The following HYCC1 variants were observed in gnomAD, a reference collection of about 807,000 sequenced individuals.
HYCC1 encodes hyccin PI4KA lipid kinase complex subunit 1.
At chr7:22,949,724 G>GTA in the HYCC1 span, among the ~76,000 whole-genome samples, 1 of 151,958 alleles carries the variant, frequency 6.6e-6, no homozygotes, top group Non-Finnish European at 1.5e-5. Context: ...GCAGTACCAC[G>GTA]CAACTGAAAT....
At chr7:22,965,071 T>C in the HYCC1 span, among the ~76,000 whole-genome samples, 1 of 149,792 alleles carries the variant, frequency 6.7e-6, no homozygotes, top group Non-Finnish European at 1.5e-5. Context: ...GAGGTGGAGG[T>C]TGCAGTAAGC....
At chr7:22,906,147 G>A in the HYCC1 span, among the ~76,000 whole-genome samples, 2 of 152,082 alleles carry the variant, frequency 1.3e-5, no homozygotes, top group African/African-American at 4.8e-5. Context: ...GAACAGCATT[G>A]ATACTTGCTA....
chr7:22,918,977 C>T, the HYCC1 span, among the ~76,000 whole-genome samples: 1 of 152,172 alleles, frequency 6.6e-6, no homozygotes. Flanking sequence ...CACAAAAACA[C>T]ACTCAAGCCA....
chr7:22,950,034 C>A, the HYCC1 span, among the ~76,000 whole-genome samples: 2 of 151,954 alleles, frequency 1.3e-5, no homozygotes, highest in African/African-American at 4.8e-5. Context: ...GTAATCCAAA[C>A]AAACATTTGT....
At chr7:22,933,301 G>A in the HYCC1 span, among the ~76,000 whole-genome samples, 1,140 of 152,066 alleles carry the variant, frequency 7.5e-3, 11 homozygotes, top group African/African-American at 0.025. Flanking sequence ...CCAAATTGTC[G>A]GTTTCTCCCT....
the HYCC1 span, among the ~76,000 whole-genome samples, chr7:22,931,470 A>G: frequency 6.6e-6 from 1 of 152,180 alleles, no homozygotes; most frequent in Non-Finnish European, 1.5e-5. Flanking sequence ...GGGTGCTGCC[A>G]TAACAAATAT....
At chr7:22,989,482 G>A in the HYCC1 span, among the ~76,000 whole-genome samples, 1 of 151,958 alleles carries the variant, frequency 6.6e-6, no homozygotes, top group Non-Finnish European at 1.5e-5. Flanking sequence ...CAAGTAGCTG[G>A]GGCTACAGGC....
At chr7:22,977,633 T>G in the HYCC1 span, among the ~76,000 whole-genome samples, 10 of 152,272 alleles carry the variant, frequency 6.6e-5, no homozygotes, top group African/African-American at 2.4e-4. Context: ...ATGTAACAAA[T>G]TTTCAGGATG....
chr7:22,998,719 A>G, the HYCC1 span, among the ~76,000 whole-genome samples: 1 of 152,152 alleles, frequency 6.6e-6, no homozygotes, highest in East Asian at 1.9e-4. Context: ...TGCTGATCAC[A>G]CAGCCTTCTG....
chr7:22,990,578 A>G, the HYCC1 span, among the ~76,000 whole-genome samples: 2 of 152,216 alleles, frequency 1.3e-5, no homozygotes, highest in Non-Finnish European at 2.9e-5. Flanking sequence ...AGACAAGAAA[A>G]TATGTTTTAT....
the HYCC1 span, among the ~76,000 whole-genome samples, chr7:22,981,217 T>C: frequency 1.3e-5 from 2 of 152,228 alleles, no homozygotes; most frequent in African/African-American, 4.8e-5. Flanking sequence ...TTAGTCTATT[T>C]TGTTCTCATA....
At chr7:22,994,025 G>A in the HYCC1 span, among the ~76,000 whole-genome samples, 4 of 152,074 alleles carry the variant, frequency 2.6e-5, no homozygotes, top group Non-Finnish European at 5.9e-5. Flanking sequence ...CTGTTACCCG[G>A]GCTAGAGTGT....
At chr7:22,948,498 G>C in the HYCC1 span, among the ~76,000 whole-genome samples, 1 of 151,980 alleles carries the variant, frequency 6.6e-6, no homozygotes, top group Non-Finnish European at 1.5e-5. Flanking sequence ...GATATGACCT[G>C]GGCATAAGAT....
the HYCC1 span, chr7:22,978,305 T>A: frequency 6.2e-7 from 1 of 1,614,092 alleles, no homozygotes; most frequent in Non-Finnish European, 8.5e-7. Context: ...CTTCAATGCA[T>A]CCACTGCTAT....
the HYCC1 span, chr7:22,945,391 A>C: frequency 0.091 from 53,805 of 592,352 alleles, 2,648 homozygotes; most frequent in East Asian, 0.12. Context: ...AAAAAATCTT[A>C]ATCAAGAAAT....
At chr7:22,949,105 G>A in the HYCC1 span, among the ~76,000 whole-genome samples, 2 of 152,000 alleles carry the variant, frequency 1.3e-5, no homozygotes, top group South Asian at 2.1e-4. Context: ...AAAAGGCAAT[G>A]AATATTAAAA....
chr7:23,008,795 A>T, the HYCC1 span, among the ~76,000 whole-genome samples: 7 of 152,086 alleles, frequency 4.6e-5, no homozygotes, highest in African/African-American at 1.7e-4. Context: ...TGTTCAATAA[A>T]CAGCATTAAA....
At chr7:23,010,225 T>C in the HYCC1 span, among the ~76,000 whole-genome samples, 1 of 152,208 alleles carries the variant, frequency 6.6e-6, no homozygotes, top group African/African-American at 2.4e-5. Flanking sequence ...CTTCCAGGAA[T>C]GTCTTCCTTT....
At chr7:22,995,225 T>C in the HYCC1 span, among the ~76,000 whole-genome samples, 1 of 152,106 alleles carries the variant, frequency 6.6e-6, no homozygotes, top group Non-Finnish European at 1.5e-5. Context: ...TGAAACTCTA[T>C]CACCATCATC....
Sources: allele counts gnomAD v4.1 joint callset (sites outside exome capture counted in the v4.1 genomes callset), GRCh38; gene constraint gnomAD v4.1.1; transcripts MANE v1.5; gene names NCBI Gene and HGNC (gene_info 2026-07-23, HGNC 2026-07-21).